TMEM233: variants seen among roughly 807,000 people sequenced by gnomAD.
TMEM233 encodes the protein dispanin subfamily B member 2.
Under a neutral mutation model 11.2 loss-of-function variants are expected in TMEM233, and 6 were observed. That is an observed-to-expected ratio of 0.54 (90% CI 0.29 to 1.06). The LOEUF (loss-of-function observed/expected upper bound fraction) is 1.06, where lower values mean the gene tolerates loss of function less well. Among genes scored for constraint, TMEM233 ranks in the 50% least tolerant of loss-of-function variants. The pLI, the probability that TMEM233 is intolerant of heterozygous loss-of-function variation, is 0.08. For missense variants in TMEM233, 127 were observed against 144.7 expected, an observed-to-expected ratio of 0.88 and a Z score of 0.63; for synonymous variants, 59 against 55.8, an observed-to-expected ratio of 1.06 and a Z score of -0.26.
At chr12:119,635,796 C>G (rs1210716939) in intron 2 of TMEM233, among the ~76,000 whole-genome samples, 1 of 152,110 alleles carries the variant, frequency 6.6e-6, no homozygotes, top group East Asian at 1.9e-4. Flanking sequence ...TAAAGTGGCT[C>G]ACAGAACTCA....
At chr12:119,627,531 C>CAG (rs923903552) in intron 1 of TMEM233, among the ~76,000 whole-genome samples, 12 of 152,010 alleles carry the variant, frequency 7.9e-5, no homozygotes, top group Admixed American at 5.2e-4. Context: ...TGTGGCAAGA[C>CAG]AGAGAGAGAG....
chr12:119,631,750 C>T, intron 2 of TMEM233: 1 of 716,946 alleles, frequency 1.4e-6, no homozygotes, highest in Non-Finnish European at 1.7e-6. Flanking sequence ...GTGAGACCTT[C>T]AGCCAATTGT....
intron 1 of TMEM233, among the ~76,000 whole-genome samples, chr12:119,626,484 A>AAG (rs1555266820): frequency 0.017 from 1,894 of 112,546 alleles, 330 homozygotes; most frequent in African/African-American, 0.052. Context: ...AAAAAAAAAA[A>AAG]AAGAAGAAAA....
At chr12:119,653,971 T>TAA in the TMEM233 span, among the ~76,000 whole-genome samples, 1 of 139,586 alleles carries the variant, frequency 7.2e-6, no homozygotes, top group African/African-American at 2.6e-5. Context: ...TCCAAGAAGC[T>TAA]AAAAAAAAAA....
intron 1 of TMEM233, among the ~76,000 whole-genome samples, chr12:119,614,092 GAAGACTTT>G (rs1954470761): frequency 6.6e-6 from 1 of 152,030 alleles, no homozygotes; most frequent in Non-Finnish European, 1.5e-5. Flanking sequence ...GGGAGCCATG[GAAGACTTT>G]AGAGCTGAGG....
downstream of TMEM233, among the ~76,000 whole-genome samples, chr12:119,645,320 C>CAAAAAAAAAAAAAAAAAAA (rs3078450): frequency 6.7e-5 from 5 of 74,792 alleles, 1 homozygote; most frequent in Non-Finnish European, 1.0e-4. Flanking sequence ...CACCAATTAC[C>CAAAAAAAAAAAAAAAAAAA]AAAAAAAAAA....
At chr12:119,653,234 T>C in the TMEM233 span, among the ~76,000 whole-genome samples, 7 of 151,228 alleles carry the variant, frequency 4.6e-5, no homozygotes, top group East Asian at 1.9e-4. Flanking sequence ...CTATCAAAAA[T>C]ACAAAAAATT....
intron 1 of TMEM233, among the ~76,000 whole-genome samples, chr12:119,603,866 T>C (rs1164644798): frequency 6.6e-6 from 1 of 152,252 alleles, no homozygotes; most frequent in East Asian, 1.9e-4. Flanking sequence ...CCTTTATCTC[T>C]GAGGGTTTGC....
chr12:119,648,202 T>C, the TMEM233 span, among the ~76,000 whole-genome samples: 18 of 152,284 alleles, frequency 1.2e-4, no homozygotes, highest in African/African-American at 4.1e-4. Context: ...CCTGTTTTAC[T>C]TCCTCCATGG....
chr12:119,646,618 A>C (rs1208114336), downstream of TMEM233, among the ~76,000 whole-genome samples: 1 of 152,148 alleles, frequency 6.6e-6, no homozygotes, highest in Non-Finnish European at 1.5e-5. Flanking sequence ...AACGGCAGCA[A>C]AGTCACCATT....
At chr12:119,601,352 G>A (rs1954159274) in intron 1 of TMEM233, among the ~76,000 whole-genome samples, 1 of 152,254 alleles carries the variant, frequency 6.6e-6, no homozygotes, top group Admixed American at 6.5e-5. Context: ...GATCAGGAAT[G>A]CTGAAGGCTA....
chr12:119,618,144 C>G (rs190149782), intron 1 of TMEM233, among the ~76,000 whole-genome samples: 1 of 152,154 alleles, frequency 6.6e-6, no homozygotes, highest in Non-Finnish European at 1.5e-5. Context: ...GGTGCAAGTC[C>G]CAAGTCTTGG....
At chr12:119,597,562 G>C (rs1225053594) in intron 1 of TMEM233, among the ~76,000 whole-genome samples, 1 of 151,728 alleles carries the variant, frequency 6.6e-6, no homozygotes, top group Non-Finnish European at 1.5e-5. Flanking sequence ...CACCAAATTA[G>C]AGTAGGTGCT....
At chr12:119,647,271 C>T (rs1955166350), downstream of TMEM233, among the ~76,000 whole-genome samples, 1 of 152,114 alleles carries the variant, frequency 6.6e-6, no homozygotes, top group South Asian at 2.1e-4. Flanking sequence ...GTCTTTAACC[C>T]CCAATCACAA....
At chr12:119,607,682 C>G (rs1248433423) in intron 1 of TMEM233, among the ~76,000 whole-genome samples, 6 of 150,764 alleles carry the variant, frequency 4.0e-5, no homozygotes, top group African/African-American at 1.5e-4. Context: ...AAAAATGGTT[C>G]ACTGCAGCCC....
rs997342404 is a variant in TMEM233 at position 119,642,424 on chromosome 12, G to A, written c.*1719G>A. On this transcript the variant is annotated 3_prime_UTR_variant, in exon 3 of 3. Coordinates refer to ENST00000426426, the MANE Select transcript of TMEM233 (RefSeq NM_001136534.3). Reference sequence around the variant, plus strand: ...ACTGTGCCACTACACTCCAGCCCGGGGTGACAGAGCAAGACTCCATCTCAA... The same window carrying A: ...ACTGTGCCACTACACTCCAGCCCGGAGTGACAGAGCAAGACTCCATCTCAA... 1 of 151,698 alleles carries A rather than the reference G, an allele frequency of 6.6e-6. No individual in the cohort carries two copies. Among genetic ancestry groups the A allele is most frequent in the Non-Finnish European group, 1.5e-5 (1 of 67,988 alleles). 9.4% of individuals were successfully genotyped at this position (151,698 alleles called of 1,614,324 possible). A position where few individuals can be genotyped will look rare whatever the true frequency, so the allele number is the denominator to read the frequency against.
intron 2 of TMEM233, among the ~76,000 whole-genome samples, chr12:119,640,241 G>A (rs968627645): frequency 1.2e-4 from 18 of 152,128 alleles, no homozygotes; most frequent in African/African-American, 3.6e-4. Flanking sequence ...TGCAAGCTCC[G>A]CCTCCCGGGT....
chr12:119,604,637 G>GTTTTGT (rs1316270434), intron 1 of TMEM233, among the ~76,000 whole-genome samples: 4 of 151,746 alleles, frequency 2.6e-5, no homozygotes, highest in East Asian at 3.8e-4. Context: ...GTTGTTTTTT[G>GTTTTGT]TTTTGTTTTT....
chr12:119,602,571 T>A lies in TMEM233; in HGVS notation c.186+8537T>A, dbSNP rs1420203181. The stretch of plus-strand genomic sequence containing the variant: ...GGCCGCATTCCAGATACCCATAGAT[T>A]TTGCAAATATGCACATTTCCCCAGC... On this transcript the variant is annotated intron_variant, in intron 1 of 2. Transcript: ENST00000426426. 3.9e-5 allele frequency among the ~76,000 whole-genome samples: 6 copies of A among 152,198 alleles called. No homozygotes were observed. The East Asian group carries it at 1.2e-3, about 29-fold the overall frequency.
Sources: gnomAD v4.1 joint callset for allele counts (sites outside exome capture counted in the v4.1 genomes callset) on GRCh38, gnomAD v4.1.1 for gene constraint, MANE v1.5 for transcripts, NCBI Gene and HGNC (gene_info 2026-07-23, HGNC 2026-07-21) for gene names.